CALN1: variants seen among roughly 807,000 people sequenced by gnomAD.
CALN1 encodes calneuron 1.
In CALN1, 17 loss-of-function variants were observed where a neutral mutation model predicts 30.6. The observed-to-expected ratio is 0.56, with a 90% confidence interval of 0.38 to 0.83. The LOEUF (loss-of-function observed/expected upper bound fraction) is 0.83, where lower values mean the gene tolerates loss of function less well. CALN1 is among the 40% of genes least tolerant of loss of function. CALN1 has a pLI of 0.00. For missense variants in CALN1, 291 were observed against 354.9 expected, an observed-to-expected ratio of 0.82 and a Z score of 1.45; for synonymous variants, 156 against 131.4, an observed-to-expected ratio of 1.19 and a Z score of -1.28.
chr7:72,162,277 G>C (rs1788168645), intron 3 of CALN1, among the ~76,000 whole-genome samples: 1 of 151,916 alleles, frequency 6.6e-6, no homozygotes. Flanking sequence ...AGAAAGTATT[G>C]GTTTCAGTAA....
At chr7:72,444,399 A>T (rs1032850981) in intron 1 of CALN1, among the ~76,000 whole-genome samples, 4 of 152,128 alleles carry the variant, frequency 2.6e-5, no homozygotes, top group African/African-American at 9.7e-5. Context: ...AGGCTCTTTG[A>T]TCTAACTGGC....
chr7:72,231,970 G>C (rs1433256796), intron 3 of CALN1, among the ~76,000 whole-genome samples: 1 of 152,240 alleles, frequency 6.6e-6, no homozygotes, highest in Admixed American at 6.5e-5. Flanking sequence ...TCTTGGACAA[G>C]ACAGTGCATT....
At chr7:72,101,859 C>T (rs867779895) in intron 4 of CALN1, among the ~76,000 whole-genome samples, 62 of 152,258 alleles carry the variant, frequency 4.1e-4, no homozygotes, top group African/African-American at 1.3e-3. Context: ...GTGCCCGATG[C>T]CTAGAATTAA....
chr7:72,451,643 T>G (rs986053187), upstream of CALN1, among the ~76,000 whole-genome samples: 1 of 152,124 alleles, frequency 6.6e-6, no homozygotes, highest in Non-Finnish European at 1.5e-5. Context: ...CCTCAGCTCC[T>G]GCCTAAGGTT....
intron 2 of CALN1, among the ~76,000 whole-genome samples, chr7:72,282,918 G>A (rs187609724): frequency 9.4e-4 from 143 of 152,096 alleles, no homozygotes; most frequent in Middle Eastern, 3.4e-3. Context: ...GCCAGGCATG[G>A]TGGTGGGTGC....
chr7:72,253,432 T>C (rs911436084), intron 3 of CALN1, among the ~76,000 whole-genome samples: 1 of 152,206 alleles, frequency 6.6e-6, no homozygotes, highest in South Asian at 2.1e-4. Flanking sequence ...GACTGGGTAA[T>C]TTATAAAGGA....
chr7:72,269,222 T>G (rs1355972089), intron 3 of CALN1, among the ~76,000 whole-genome samples: 1 of 152,160 alleles, frequency 6.6e-6, no homozygotes, highest in East Asian at 1.9e-4. Flanking sequence ...TTTTATTTTA[T>G]TATACTTTAA....
intron 3 of CALN1, among the ~76,000 whole-genome samples, chr7:72,213,098 C>T (rs941072822): frequency 6.6e-6 from 1 of 152,206 alleles, no homozygotes; most frequent in South Asian, 2.1e-4. Flanking sequence ...ACTCTGAAGA[C>T]GTGGGTCCGT....
intron 3 of CALN1, among the ~76,000 whole-genome samples, chr7:72,175,294 C>T (rs1321682493): frequency 2.6e-5 from 4 of 152,022 alleles, no homozygotes; most frequent in Admixed American, 6.6e-5. Flanking sequence ...AGGATGGTCT[C>T]GATCTCCTGA....
chr7:72,003,159 G>C (rs940117504), intron 5 of CALN1, among the ~76,000 whole-genome samples: 1 of 151,956 alleles, frequency 6.6e-6, no homozygotes, highest in African/African-American at 2.4e-5. Context: ...ATTTTTATTT[G>C]CCTATTTGAA....
chr7:72,405,533 ACT>A (rs1392386051), intron 1 of CALN1, among the ~76,000 whole-genome samples: 7 of 151,776 alleles, frequency 4.6e-5, no homozygotes, highest in East Asian at 3.9e-4. Context: ...ACAGCTGCAC[ACT>A]CTGTCCCCAG....
At chr7:71,974,596 T>C (rs953059814) in intron 5 of CALN1, among the ~76,000 whole-genome samples, 3 of 152,148 alleles carry the variant, frequency 2.0e-5, no homozygotes, top group Admixed American at 6.6e-5. Flanking sequence ...TTGAAGATTC[T>C]GGGCAGAAAG....
intron 3 of CALN1, among the ~76,000 whole-genome samples, chr7:72,137,370 C>CA (rs1809585886): frequency 6.6e-6 from 1 of 152,132 alleles, no homozygotes; most frequent in South Asian, 2.1e-4. Flanking sequence ...CTCTGTCACA[C>CA]AGATCATCCT....
chr7:71,916,976 G>A (rs1794715575), intron 5 of CALN1, among the ~76,000 whole-genome samples: 2 of 152,086 alleles, frequency 1.3e-5, no homozygotes, highest in South Asian at 4.2e-4. Flanking sequence ...CAGGGAGTTA[G>A]GAACAAAAGG....
At chr7:71,878,283 T>A (rs1479595925) in intron 5 of CALN1, among the ~76,000 whole-genome samples, 1 of 152,010 alleles carries the variant, frequency 6.6e-6, no homozygotes, top group Non-Finnish European at 1.5e-5. Context: ...ATGCCTGTAA[T>A]CCCAGCTACT....
chr7:71,852,082 AT>A (rs1389820214), intron 5 of CALN1, among the ~76,000 whole-genome samples: 1 of 152,178 alleles, frequency 6.6e-6, no homozygotes, highest in Non-Finnish European at 1.5e-5. Flanking sequence ...TGGTTTCGAT[AT>A]TCATCCATGT....
intron 4 of CALN1, among the ~76,000 whole-genome samples, chr7:72,060,897 C>T (rs1803601626): frequency 6.6e-6 from 1 of 152,154 alleles, no homozygotes; most frequent in Non-Finnish European, 1.5e-5. Flanking sequence ...GAACTGTGAG[C>T]CAAATAAACC....
rs1807239415 is a variant in CALN1 at position 72,412,327 on chromosome 7, C to G, written c.-343G>C. On this transcript the variant is annotated 5_prime_UTR_variant, in exon 1 of 7. Coordinates refer to ENST00000395275, the MANE Select transcript of CALN1 (RefSeq NM_031468.4). Reference sequence around the variant, plus strand: ...AACACAAACTCAAGCGGATAGCACCCCAGCGAGCTTCCCCAGCGGGCTCGG... The same window carrying G: ...AACACAAACTCAAGCGGATAGCACCGCAGCGAGCTTCCCCAGCGGGCTCGG... 6.6e-6 allele frequency: 1 copy of G among 152,150 alleles called. No homozygotes were observed. The highest frequency in any genetic ancestry group is 2.4e-5 in the African/African-American group (1 of 41,410). 9.4% of individuals were successfully genotyped at this position (152,150 alleles called of 1,614,324 possible). A position where few individuals can be genotyped will look rare whatever the true frequency, so the allele number is the denominator to read the frequency against.
At chr7:72,037,458 T>C (rs960198204) in intron 4 of CALN1, among the ~76,000 whole-genome samples, 7 of 152,324 alleles carry the variant, frequency 4.6e-5, no homozygotes, top group South Asian at 4.1e-4. Context: ...CCTCCTTTCA[T>C]AATTTTTGAT....
Sources: gnomAD v4.1 joint callset for allele counts (sites outside exome capture counted in the v4.1 genomes callset) on GRCh38, gnomAD v4.1.1 for gene constraint, MANE v1.5 for transcripts, NCBI Gene and HGNC (gene_info 2026-07-23, HGNC 2026-07-21) for gene names.